The following DGKI variants were observed in gnomAD, a reference collection of about 807,000 sequenced individuals.
The protein encoded by DGKI is DAG kinase iota.
In DGKI, 55 loss-of-function variants were observed where a neutral mutation model predicts 147.5. That is an observed-to-expected ratio of 0.37 (90% CI 0.30 to 0.47). The LOEUF is 0.47. Ranked by LOEUF, DGKI falls within the 20% of genes least tolerant of loss-of-function variation. The pLI is 1.00. For missense variants in DGKI, 1,007 were observed against 1,323.8 expected (o/e 0.76, Z 3.71); for synonymous variants, 469 against 477.1 (o/e 0.98, Z 0.22).
chr7:137,425,105 C>A (rs1048281006), intron 28 of DGKI, among the ~76,000 whole-genome samples: 1 of 146,666 alleles, frequency 6.8e-6, no homozygotes, highest in Non-Finnish European at 1.5e-5. Context: ...GGTCCCTGAC[C>A]CCTGACCCCT....
At chr7:137,839,167 C>T (rs1196883429) in intron 1 of DGKI, among the ~76,000 whole-genome samples, 1 of 152,212 alleles carries the variant, frequency 6.6e-6, no homozygotes, top group African/African-American at 2.4e-5. Context: ...TGCCTCTCTC[C>T]TCCGACCTCT....
At chr7:137,790,954 G>T (rs114782795) in intron 1 of DGKI, among the ~76,000 whole-genome samples, 1 of 152,150 alleles carries the variant, frequency 6.6e-6, no homozygotes, top group Non-Finnish European at 1.5e-5. Flanking sequence ...CACCACTGGG[G>T]TCAGTGTTGC....
At chr7:137,638,632 G>GTATATATACACATATATGTA (rs1563126028) in intron 6 of DGKI, among the ~76,000 whole-genome samples, 24,790 of 31,452 alleles carry the variant, frequency 0.79, 11,748 homozygotes, top group East Asian at 0.88. Context: ...ATATATATGT[G>GTATATATACACATATATGTA]TGTATATATG....
chr7:137,419,071 G>A (rs924362563), intron 28 of DGKI, among the ~76,000 whole-genome samples: 3 of 152,196 alleles, frequency 2.0e-5, no homozygotes, highest in African/African-American at 7.2e-5. Flanking sequence ...AAGGACTCTT[G>A]TTTCATTTAC....
intron 32 of DGKI, among the ~76,000 whole-genome samples, chr7:137,392,577 A>G (rs1040760648): frequency 6.6e-6 from 1 of 152,218 alleles, no homozygotes; most frequent in African/African-American, 2.4e-5. Flanking sequence ...TGGGGAGAGG[A>G]CAAAAGGGAA....
At chr7:137,426,992 G>A (rs1443401656) in intron 28 of DGKI, among the ~76,000 whole-genome samples, 3 of 150,188 alleles carry the variant, frequency 2.0e-5, no homozygotes, top group Admixed American at 1.3e-4. Flanking sequence ...ACAGATCAAC[G>A]AGACAGAAAG....
intron 28 of DGKI, among the ~76,000 whole-genome samples, chr7:137,418,362 G>C (rs916967354): frequency 5.3e-5 from 8 of 152,176 alleles, no homozygotes; most frequent in African/African-American, 1.9e-4. Context: ...GCAGCAGGGA[G>C]AACTGATGTT....
chr7:137,717,946 G>C (rs556958358), intron 1 of DGKI, among the ~76,000 whole-genome samples: 1 of 152,278 alleles, frequency 6.6e-6, no homozygotes, highest in South Asian at 2.1e-4. Context: ...CCACCCAGCG[G>C]AAGGAGCTAT....
chr7:137,628,103 G>A (rs1484891405), intron 6 of DGKI, among the ~76,000 whole-genome samples: 1 of 152,118 alleles, frequency 6.6e-6, no homozygotes, highest in Non-Finnish European at 1.5e-5. Context: ...AAGCTTTCTG[G>A]TGTCTAATAT....
At chr7:137,436,715 C>T (rs74477361) in intron 28 of DGKI, among the ~76,000 whole-genome samples, 1,812 of 152,168 alleles carry the variant, frequency 0.012, 35 homozygotes, top group African/African-American at 0.041. Context: ...AAATTAAAGA[C>T]TAATCACACT....
chr7:137,505,418 T>C (rs1816332047), intron 21 of DGKI, among the ~76,000 whole-genome samples: 1 of 152,164 alleles, frequency 6.6e-6, no homozygotes, highest in Admixed American at 6.6e-5. Context: ...TATGCTGTTG[T>C]AGTTGGTTCA....
chr7:137,418,688 G>A (rs1387657981), intron 28 of DGKI, among the ~76,000 whole-genome samples: 2 of 151,920 alleles, frequency 1.3e-5, no homozygotes, highest in Admixed American at 1.3e-4. Context: ...CCACATTGTT[G>A]TCTGCCCATA....
At position 137,619,809 on chromosome 7, in the gene DGKI, A is replaced by G; in HGVS notation, c.993+15T>C. 6.3e-7 allele frequency: 1 copy of G among 1,595,124 alleles called. No homozygotes were observed. Among genetic ancestry groups the G allele is most frequent in the Non-Finnish European group, 8.6e-7 (1 of 1,163,380 alleles). ...CTCTGCACTGGCCCAGCAGCACCAG[A>G]GTCCTGGCAGTTACCTGAGGTTTCT... is the stretch of plus-strand genomic sequence containing the variant. On this transcript the variant is annotated intron_variant, in intron 8 of 32. Coordinates refer to ENST00000614521, the MANE Select transcript of DGKI (RefSeq NM_001321708.2).
At chr7:137,450,361 AT>A (rs1008924798) in intron 27 of DGKI, among the ~76,000 whole-genome samples, 2 of 152,318 alleles carry the variant, frequency 1.3e-5, no homozygotes, top group African/African-American at 4.8e-5. Flanking sequence ...GGTTATATAT[AT>A]TTCACATCAT....
intron 22 of DGKI, among the ~76,000 whole-genome samples, chr7:137,487,352 A>G (rs571627036): frequency 6.6e-6 from 1 of 152,282 alleles, no homozygotes; most frequent in African/African-American, 2.4e-5. Context: ...TGGTAAAATG[A>G]CAAGTTCCAA....
At chr7:137,496,463 A>T (rs960874752) in intron 21 of DGKI, among the ~76,000 whole-genome samples, 1 of 152,144 alleles carries the variant, frequency 6.6e-6, no homozygotes, top group African/African-American at 2.4e-5. Context: ...AAACTATTTT[A>T]AAAATCATAT....
chr7:137,560,104 C>T (rs181360622), intron 19 of DGKI, among the ~76,000 whole-genome samples: 99 of 151,996 alleles, frequency 6.5e-4, no homozygotes, highest in East Asian at 1.4e-3. Context: ...GACCCACATA[C>T]GATGTATCAT....
At chr7:137,680,170 G>A (rs1033950174) in intron 2 of DGKI, among the ~76,000 whole-genome samples, 1 of 151,996 alleles carries the variant, frequency 6.6e-6, no homozygotes, top group African/African-American at 2.4e-5. Flanking sequence ...CAAGGAAAAA[G>A]CCATGTGAGC....
At chr7:137,751,512 A>G (rs563691831) in intron 1 of DGKI, among the ~76,000 whole-genome samples, 1 of 152,324 alleles carries the variant, frequency 6.6e-6, no homozygotes, top group East Asian at 1.9e-4. Context: ...CACGTTTCAG[A>G]CGTGTCTCTC....
Sources: gnomAD v4.1 joint callset for allele counts (sites outside exome capture counted in the v4.1 genomes callset) on GRCh38, gnomAD v4.1.1 for gene constraint, MANE v1.5 for transcripts, NCBI Gene and HGNC (gene_info 2026-07-23, HGNC 2026-07-21) for gene names.